The following PRKG1 variants were observed in gnomAD, a reference collection of about 807,000 sequenced individuals.
PRKG1 encodes protein kinase cGMP-dependent 1.
PRKG1 carries 35 observed loss-of-function variants against 88.1 expected under a neutral mutation model. The ratio of observed to expected loss-of-function variants is 0.40; its 90% confidence interval spans 0.30 to 0.53. PRKG1 has a LOEUF of 0.53. Ranked by LOEUF, PRKG1 falls within the 20% of genes least tolerant of loss-of-function variation. PRKG1 has a pLI of 0.59. For missense variants in PRKG1, 540 were observed against 839.8 expected, an observed-to-expected ratio of 0.64 and a Z score of 4.41; for synonymous variants, 303 against 292.5, an observed-to-expected ratio of 1.04 and a Z score of -0.37.
chr10:51,074,328 A>G (rs1310406194), upstream of PRKG1: 2 of 683,740 alleles, frequency 2.9e-6, no homozygotes, highest in Non-Finnish European at 4.3e-6. Context: ...TCTCAGGTTT[A>G]ATCCCGGGTT....
chr10:51,372,672 A>C (rs964244671), intron 2 of PRKG1, among the ~76,000 whole-genome samples: 2 of 152,306 alleles, frequency 1.3e-5, no homozygotes, highest in African/African-American at 4.8e-5. Context: ...GCTTTTTAAA[A>C]CATTACAAAT....
chr10:51,699,651 G>A (rs564308407), intron 3 of PRKG1: 452 of 1,366,740 alleles, frequency 3.3e-4, no homozygotes, highest in Non-Finnish European at 4.4e-4. Flanking sequence ...CAAGATCCGG[G>A]CAGAAACTTT....
At position 51,690,654 on chromosome 10, in the gene PRKG1, G is replaced by A. The variant is rs572322775; in HGVS notation, c.593-113931G>A. ...GAAATTAAAGAATTTTGGGCCGGGC[G>A]CTGTGGCTCACACCTGTAATCCCAG... On this transcript the variant is annotated intron_variant, in intron 3 of 17. Transcript: ENST00000373980. 2.1e-3 allele frequency among the ~76,000 whole-genome samples: 316 copies of A among 152,142 alleles called. 2 individuals are homozygous for A. The highest frequency in any genetic ancestry group is 7.2e-3 in the African/African-American group (300 of 41,506).
chr10:51,109,427 C>A (rs564656978), intron 1 of PRKG1, among the ~76,000 whole-genome samples: 1 of 151,964 alleles, frequency 6.6e-6, no homozygotes, highest in Non-Finnish European at 1.5e-5. Flanking sequence ...AACTGCCCCC[C>A]CAACACATAT....
rs544727990 is a variant in PRKG1, at chr10:51,082,187, G to T, written c.311+7286G>T. ...AGCAACTTGCCCACAGTCACACTAG[G>T]TTGAGCCTGAATTTGAGCTCCAGAG... On this transcript the variant is annotated intron_variant, in intron 1 of 17. Transcript: ENST00000373980. 2.0e-5 allele frequency among the ~76,000 whole-genome samples: 3 copies of T among 152,232 alleles called. No homozygotes were observed. In the South Asian group the frequency reaches 6.2e-4, roughly 32 times the overall value.
At chr10:52,150,326 A>C (rs1837877729) in intron 8 of PRKG1, among the ~76,000 whole-genome samples, 1 of 152,038 alleles carries the variant, frequency 6.6e-6, no homozygotes, top group Admixed American at 6.6e-5. Context: ...CTGGGATTGC[A>C]GATGTTGGAA....
At chr10:52,185,412 C>G (rs960876476) in intron 9 of PRKG1, among the ~76,000 whole-genome samples, 1 of 152,170 alleles carries the variant, frequency 6.6e-6, no homozygotes, top group African/African-American at 2.4e-5. Context: ...TAGCTCCACC[C>G]CTGTGGCTTT....
At chr10:52,090,161 C>T (rs986515940) in intron 7 of PRKG1, among the ~76,000 whole-genome samples, 1 of 151,970 alleles carries the variant, frequency 6.6e-6, no homozygotes, top group Non-Finnish European at 1.5e-5. Flanking sequence ...ACCAGAACTC[C>T]TTGGAGAAAT....
chr10:51,054,706 G>A (rs1231967999), intron 1 of PRKG1, among the ~76,000 whole-genome samples: 1 of 152,024 alleles, frequency 6.6e-6, no homozygotes. Context: ...TATAATTGTT[G>A]GATCATGATA....
chr10:52,153,317 C>G (rs1324522747), intron 8 of PRKG1, among the ~76,000 whole-genome samples: 2 of 151,972 alleles, frequency 1.3e-5, no homozygotes, highest in East Asian at 3.9e-4. Flanking sequence ...AAACATAATG[C>G]CAGATAAAAG....
chr10:51,034,862 A>G lies in PRKG1; in HGVS notation c.266+43218A>G, dbSNP rs556266611. On this transcript the variant is annotated intron_variant, in intron 1 of 17. Coordinates refer to the PRKG1 transcript ENST00000401604. Reference sequence around the variant, plus strand: ...ATATTGGGAGTGGGAAGCTTCAAAAATGAACCTGCTTTCTGGATCATTCAT... The same window carrying G: ...ATATTGGGAGTGGGAAGCTTCAAAAGTGAACCTGCTTTCTGGATCATTCAT... Among the ~76,000 whole-genome samples the G allele has an allele frequency of 7.9e-5, 12 of 151,890 alleles. No homozygotes were observed. In the East Asian group the frequency reaches 2.3e-3, roughly 29 times the overall value.
At chr10:51,556,673 A>T (rs576520440) in intron 3 of PRKG1, among the ~76,000 whole-genome samples, 1 of 152,142 alleles carries the variant, frequency 6.6e-6, no homozygotes, top group East Asian at 1.9e-4. Flanking sequence ...TAAACATCGA[A>T]TACACATAGA....
chr10:51,582,675 G>A lies in PRKG1; in HGVS notation c.592+114839G>A, dbSNP rs1443950339. ...CTGCATAATACTCCATGATGTATAT[G>A]TACCACATTTTCTTTATCCAGTCTA... is the stretch of plus-strand genomic sequence containing the variant. On this transcript the variant is annotated intron_variant, in intron 3 of 17. Coordinates refer to ENST00000373980, the MANE Select transcript of PRKG1 (RefSeq NM_006258.4). Among the ~76,000 whole-genome samples, 14 of 152,202 alleles carry A rather than the reference G, an allele frequency of 9.2e-5. No individual in the cohort carries two copies. The South Asian group carries it at 2.9e-3, about 32-fold the overall frequency.
intron 3 of PRKG1, among the ~76,000 whole-genome samples, chr10:51,775,907 CTG>C (rs1838423221): frequency 6.6e-6 from 1 of 151,958 alleles, no homozygotes; most frequent in African/African-American, 2.4e-5. Context: ...TGATAATTTG[CTG>C]TCTTTCCTTC....
intron 5 of PRKG1, among the ~76,000 whole-genome samples, chr10:51,955,191 G>C (rs1843274869): frequency 6.6e-6 from 1 of 152,058 alleles, no homozygotes; most frequent in Non-Finnish European, 1.5e-5. Flanking sequence ...ATCACAAATT[G>C]GTCTCTAGCC....
At chr10:52,245,003 A>T (rs1310034885) in intron 9 of PRKG1, among the ~76,000 whole-genome samples, 2 of 147,840 alleles carry the variant, frequency 1.4e-5, no homozygotes, top group East Asian at 2.0e-4. Flanking sequence ...TAAAATATAT[A>T]AAAAAATTTA....
At chr10:51,939,394 T>G (rs1373622915) in intron 5 of PRKG1, among the ~76,000 whole-genome samples, 1 of 151,994 alleles carries the variant, frequency 6.6e-6, no homozygotes, top group Non-Finnish European at 1.5e-5. Context: ...ATAATTAATT[T>G]TTTTAAATCC....
At chr10:52,056,024 A>G (rs911800933) in intron 6 of PRKG1, among the ~76,000 whole-genome samples, 8 of 152,178 alleles carry the variant, frequency 5.3e-5, no homozygotes, top group African/African-American at 1.9e-4. Context: ...TTATATTTTT[A>G]TTATTCCTAT....
chr10:51,898,269 C>T (rs988392970), intron 4 of PRKG1, among the ~76,000 whole-genome samples: 1 of 152,118 alleles, frequency 6.6e-6, no homozygotes, highest in Admixed American at 6.6e-5. Context: ...GTAATAACTG[C>T]TACCCTGTTC....
Sources: gnomAD v4.1 joint callset for allele counts (sites outside exome capture counted in the v4.1 genomes callset) on GRCh38, gnomAD v4.1.1 for gene constraint, MANE v1.5 for transcripts, NCBI Gene and HGNC (gene_info 2026-07-23, HGNC 2026-07-21) for gene names.